THSD7A: variants seen among roughly 807,000 people sequenced by gnomAD.
THSD7A encodes thrombospondin type 1 domain containing 7A.
THSD7A carries 96 observed loss-of-function variants against 231.3 expected under a neutral mutation model. The observed-to-expected ratio is 0.41, with a 90% CI of 0.35 to 0.49. The LOEUF is 0.49. Ranked by LOEUF, THSD7A falls within the 20% of genes least tolerant of loss-of-function variation. THSD7A has a pLI of 0.05. For missense variants in THSD7A, 2,290 were observed against 2,070.2 expected, an observed-to-expected ratio of 1.11 and a Z score of -2.06; for synonymous variants, 940 against 743.3, an observed-to-expected ratio of 1.26 and a Z score of -4.30.
intron 8 of THSD7A, among the ~76,000 whole-genome samples, chr7:11,473,961 G>A (rs1212229331): frequency 6.6e-6 from 1 of 152,154 alleles, no homozygotes; most frequent in Admixed American, 6.6e-5. Context: ...AGCCTCCGTA[G>A]CCTACGGGTA....
intron 2 of THSD7A, among the ~76,000 whole-genome samples, chr7:11,610,648 T>C (rs1030847674): frequency 1.3e-5 from 2 of 152,144 alleles, no homozygotes; most frequent in Non-Finnish European, 2.9e-5. Context: ...AAGATAATTC[T>C]ATTTACTATT....
chr7:11,534,075 T>A (rs1788816793), intron 6 of THSD7A, among the ~76,000 whole-genome samples: 1 of 152,170 alleles, frequency 6.6e-6, no homozygotes, highest in Non-Finnish European at 1.5e-5. Context: ...TACATTCATA[T>A]TTGAAACAGA....
At chr7:11,790,542 A>G (rs2128177821) in intron 1 of THSD7A, among the ~76,000 whole-genome samples, 1 of 152,130 alleles carries the variant, frequency 6.6e-6, no homozygotes, top group Admixed American at 6.6e-5. Context: ...GCATTTTTGC[A>G]TGAAGAAATT....
Position 11,769,145 on chromosome 7 carries a change from ATATATATAT to A in THSD7A, c.190+62603_190+62611del, listed in dbSNP as rs1372624068. ...GCAATATATATATATATATATATAT[ATATATATAT>A]TTTTTTTTTTTTTTGGTATTTTTGT... On this transcript the variant is annotated intron_variant, in intron 1 of 27. Transcript: ENST00000423059. 9.4e-4 allele frequency among the ~76,000 whole-genome samples: 34 copies of A among 36,004 alleles called. 2 individuals carry two copies. The East Asian group carries it at 0.012, about 13-fold the overall frequency. 23.6% of individuals were successfully genotyped at this position (36,004 alleles called of 152,430 possible). A position where few individuals can be genotyped will look rare whatever the true frequency, so the allele number is the denominator to read the frequency against.
intron 1 of THSD7A, among the ~76,000 whole-genome samples, chr7:11,801,644 A>G (rs1457001640): frequency 6.6e-6 from 1 of 152,196 alleles, no homozygotes; most frequent in Non-Finnish European, 1.5e-5. Context: ...AAATTTATAA[A>G]AGGTTTTCCA....
intron 1 of THSD7A, among the ~76,000 whole-genome samples, chr7:11,667,751 T>C (rs1334156293): frequency 1.3e-5 from 2 of 152,148 alleles, no homozygotes; most frequent in African/African-American, 2.4e-5. Flanking sequence ...ATGATTATCA[T>C]GATTCTTTCA....
chr7:11,668,679 G>A (rs563195514), intron 1 of THSD7A, among the ~76,000 whole-genome samples: 4 of 152,276 alleles, frequency 2.6e-5, no homozygotes, highest in East Asian at 1.9e-4. Context: ...CTGCCCTAGA[G>A]AGACTCATAA....
intron 4 of THSD7A, among the ~76,000 whole-genome samples, chr7:11,561,228 C>T (rs115475164): frequency 1.4e-3 from 218 of 152,178 alleles, no homozygotes; most frequent in African/African-American, 5.0e-3. Context: ...CACACATATG[C>T]ATATTTATTT....
intron 6 of THSD7A, among the ~76,000 whole-genome samples, chr7:11,534,336 A>T (rs778744520): frequency 6.6e-6 from 1 of 152,178 alleles, no homozygotes; most frequent in Admixed American, 6.5e-5. Flanking sequence ...AATGTGGACG[A>T]AGTGATATTG....
intron 6 of THSD7A, among the ~76,000 whole-genome samples, chr7:11,539,405 T>G (rs1203966578): frequency 1.3e-5 from 2 of 152,222 alleles, no homozygotes; most frequent in Non-Finnish European, 2.9e-5. Context: ...GGAAAAGATG[T>G]CCTGTAAAGG....
chr7:11,383,046 G>C (rs1226362408), intron 23 of THSD7A, among the ~76,000 whole-genome samples: 1 of 151,276 alleles, frequency 6.6e-6, no homozygotes. Context: ...ATTCTTTTCT[G>C]TTCTGATCAC....
At chr7:11,540,776 A>T (rs557557885) in intron 6 of THSD7A, among the ~76,000 whole-genome samples, 2 of 152,328 alleles carry the variant, frequency 1.3e-5, no homozygotes, top group South Asian at 4.1e-4. Flanking sequence ...ATATTTTATC[A>T]AACAAATATT....
In THSD7A at chr7:11,382,615, A is replaced by C; in HGVS notation, c.4413T>G (p.Asp1471Glu). 6.2e-7 allele frequency: 1 copy of C among 1,610,690 alleles called. No homozygotes were observed. Among genetic ancestry groups the C allele is most frequent in the Non-Finnish European group, 8.5e-7 (1 of 1,177,486 alleles). ...TCCATTTATATTCATAGCACTGTCC[A>C]TCTGCAGGGAAATAATAAACATTAG... Reference protein sequence around the residue: ...EQMLETKSCYDGQCYEYKWMA... With the variant: ...EQMLETKSCYEGQCYEYKWMA... The change falls in exon 24 of 28, where the codon GAT (aspartate) becomes GAG (glutamate). Residue 1471 changes from aspartate to glutamate, a missense_variant and splice_region_variant. Transcript: ENST00000423059.
At chr7:11,542,520 A>G (rs565179225) in intron 5 of THSD7A, among the ~76,000 whole-genome samples, 1 of 152,328 alleles carries the variant, frequency 6.6e-6, no homozygotes, top group African/African-American at 2.4e-5. Context: ...GGCACTAGGT[A>G]TGGGTCAGGC....
intron 1 of THSD7A, among the ~76,000 whole-genome samples, chr7:11,653,228 T>A (rs1052156106): frequency 1.5e-4 from 23 of 151,902 alleles, no homozygotes; most frequent in African/African-American, 5.6e-4. Flanking sequence ...ATTATTTTGC[T>A]GATTCAAAAT....
At chr7:11,588,903 A>T (rs938260470) in intron 4 of THSD7A, among the ~76,000 whole-genome samples, 15 of 152,240 alleles carry the variant, frequency 9.9e-5, no homozygotes, top group African/African-American at 3.6e-4. Context: ...AGTAAAATGT[A>T]TCCCTAGGCT....
chr7:11,561,295 A>G (rs1790067230), intron 4 of THSD7A, among the ~76,000 whole-genome samples: 1 of 152,218 alleles, frequency 6.6e-6, no homozygotes, highest in Non-Finnish European at 1.5e-5. Flanking sequence ...AATGTCATGT[A>G]GTAACATAAT....
chr7:11,655,937 T>C (rs1425940867), intron 1 of THSD7A, among the ~76,000 whole-genome samples: 3 of 151,874 alleles, frequency 2.0e-5, no homozygotes, highest in Non-Finnish European at 2.9e-5. Flanking sequence ...TGAGTACTTA[T>C]TCCTTCAACA....
At chr7:11,680,677 C>T (rs1190841541) in intron 1 of THSD7A, among the ~76,000 whole-genome samples, 5 of 152,086 alleles carry the variant, frequency 3.3e-5, no homozygotes, top group East Asian at 3.9e-4. Context: ...GTTAGAATAG[C>T]GATCATTCAA....
Sources: allele counts gnomAD v4.1 joint callset (sites outside exome capture counted in the v4.1 genomes callset), GRCh38; gene constraint gnomAD v4.1.1; transcripts MANE v1.5; gene names NCBI Gene and HGNC (gene_info 2026-07-23, HGNC 2026-07-21).